Variants in SLC9A9 observed in about 807,000 individuals in gnomAD.
SLC9A9 encodes the protein sodium/hydrogen exchanger 9.
In SLC9A9, 62 loss-of-function variants were observed where a neutral mutation model predicts 77.8. That is an observed-to-expected ratio of 0.80 (90% confidence interval 0.65 to 0.98). SLC9A9 has a LOEUF of 0.98. SLC9A9 is among the 50% of genes least tolerant of loss of function. SLC9A9 has a pLI of 0.00. For synonymous variants in SLC9A9, 320 were observed against 283.5 expected, an observed-to-expected ratio of 1.13 and a Z score of -1.29; for missense variants, 775 against 774.9, an observed-to-expected ratio of 1.00 and a Z score of 0.00.
At chr3:143,606,981 CAA>C (rs145695868) in intron 6 of SLC9A9, among the ~76,000 whole-genome samples, 71,219 of 148,430 alleles carry the variant, frequency 0.48, 17,758 homozygotes, top group African/African-American at 0.65. Context: ...TAAAACTGTA[CAA>C]AATACAATAC....
At chr3:143,823,160 T>C (rs2009212612) in intron 2 of SLC9A9, among the ~76,000 whole-genome samples, 1 of 152,180 alleles carries the variant, frequency 6.6e-6, no homozygotes, top group East Asian at 1.9e-4. Context: ...CCAGGAATCA[T>C]GGAATGAATG....
At chr3:143,453,186 A>T (rs2035036756) in intron 12 of SLC9A9, among the ~76,000 whole-genome samples, 1 of 152,046 alleles carries the variant, frequency 6.6e-6, no homozygotes, top group Non-Finnish European at 1.5e-5. Context: ...ACACAAATTA[A>T]CATAGGAGAC....
chr3:143,467,867 C>T (rs921056328), intron 11 of SLC9A9, among the ~76,000 whole-genome samples: 13 of 152,164 alleles, frequency 8.5e-5, no homozygotes, highest in African/African-American at 3.1e-4. Context: ...GTAATCTATT[C>T]TCTGTTAGGA....
chr3:143,533,076 G>C (rs536968170), intron 9 of SLC9A9, among the ~76,000 whole-genome samples: 10 of 152,298 alleles, frequency 6.6e-5, no homozygotes, highest in African/African-American at 2.4e-4. Flanking sequence ...TGCCCATGTG[G>C]GCCCAGGCCT....
intron 4 of SLC9A9, among the ~76,000 whole-genome samples, chr3:143,754,232 G>C (rs2006847835): frequency 6.6e-6 from 1 of 152,224 alleles, no homozygotes; most frequent in Non-Finnish European, 1.5e-5. Context: ...ATAAAATAAG[G>C]AAAAGTGTTC....
intron 2 of SLC9A9, among the ~76,000 whole-genome samples, chr3:143,808,292 C>T (rs573886475): frequency 2.6e-5 from 4 of 152,334 alleles, no homozygotes; most frequent in East Asian, 1.9e-4. Context: ...TATACTTGCT[C>T]ATTCAGAAAC....
intron 2 of SLC9A9, among the ~76,000 whole-genome samples, chr3:143,805,292 C>G (rs558783987): frequency 9.9e-5 from 15 of 152,222 alleles, no homozygotes; most frequent in Non-Finnish European, 1.9e-4. Context: ...CCCCTTACCA[C>G]AAAATCCTCC....
chr3:143,809,647 C>T (rs993780363), intron 2 of SLC9A9, among the ~76,000 whole-genome samples: 7 of 152,132 alleles, frequency 4.6e-5, no homozygotes, highest in African/African-American at 7.2e-5. Context: ...AAAATCCAAG[C>T]GAGGGATGGG....
intron 4 of SLC9A9, among the ~76,000 whole-genome samples, chr3:143,737,637 A>G (rs1488728191): frequency 1.3e-5 from 2 of 152,218 alleles, no homozygotes; most frequent in Non-Finnish European, 2.9e-5. Context: ...TTAGCTTATT[A>G]GTTAATATTA....
chr3:143,293,738 T>G (rs2030120789), intron 14 of SLC9A9, among the ~76,000 whole-genome samples: 1 of 152,184 alleles, frequency 6.6e-6, no homozygotes, highest in Non-Finnish European at 1.5e-5. Flanking sequence ...AACGTGACAC[T>G]CAAGCATTGG....
intron 14 of SLC9A9, among the ~76,000 whole-genome samples, chr3:143,278,500 A>T (rs1183665369): frequency 6.6e-6 from 1 of 152,192 alleles, no homozygotes; most frequent in Non-Finnish European, 1.5e-5. Flanking sequence ...CTGCAAATTT[A>T]TTGTCTCAGT....
chr3:143,666,887 A>G (rs566121797), intron 5 of SLC9A9, among the ~76,000 whole-genome samples: 277 of 152,336 alleles, frequency 1.8e-3, no homozygotes, highest in African/African-American at 6.0e-3. Context: ...CATCAATATC[A>G]TGAAAATGGC....
chr3:143,538,551 C>T (rs1443664856), intron 9 of SLC9A9, among the ~76,000 whole-genome samples: 1 of 152,172 alleles, frequency 6.6e-6, no homozygotes, highest in Non-Finnish European at 1.5e-5. Flanking sequence ...GACCTCGGCA[C>T]TAGTCACAGA....
At chr3:143,539,474 C>T (rs1444602178) in intron 9 of SLC9A9, among the ~76,000 whole-genome samples, 1 of 152,204 alleles carries the variant, frequency 6.6e-6, no homozygotes, top group Non-Finnish European at 1.5e-5. Context: ...AACACATGCT[C>T]AGGCACACAT....
intron 12 of SLC9A9, among the ~76,000 whole-genome samples, chr3:143,421,931 C>T (rs1203005241): frequency 6.6e-6 from 1 of 152,112 alleles, no homozygotes; most frequent in Non-Finnish European, 1.5e-5. Context: ...GGACAAAAGG[C>T]ATGAACAGAA....
chr3:143,562,422 GC>G (rs970711398), intron 8 of SLC9A9, among the ~76,000 whole-genome samples: 1 of 152,012 alleles, frequency 6.6e-6, no homozygotes, highest in Non-Finnish European at 1.5e-5. Context: ...TGATTGCGGG[GC>G]ATATCTGAGA....
chr3:143,780,054 G>A (rs546850327), intron 4 of SLC9A9, among the ~76,000 whole-genome samples: 2 of 152,262 alleles, frequency 1.3e-5, no homozygotes, highest in African/African-American at 2.4e-5. Flanking sequence ...AAATAATCAG[G>A]TTATTGATTT....
intron 4 of SLC9A9, among the ~76,000 whole-genome samples, chr3:143,726,176 G>C (rs1364450094): frequency 6.8e-6 from 1 of 146,954 alleles, no homozygotes; most frequent in African/African-American, 2.5e-5. Context: ...CATGACACAC[G>C]TTTACCTATG....
chr3:143,761,500 AAAAC>A (rs2007121949), intron 4 of SLC9A9, among the ~76,000 whole-genome samples: 2 of 152,234 alleles, frequency 1.3e-5, no homozygotes, highest in Non-Finnish European at 2.9e-5. Flanking sequence ...TTACCAGAAA[AAAAC>A]AAACAACCCC....
Sources: allele counts gnomAD v4.1 joint callset (sites outside exome capture counted in the v4.1 genomes callset), GRCh38; gene constraint gnomAD v4.1.1; transcripts MANE v1.5; gene names NCBI Gene and HGNC (gene_info 2026-07-23, HGNC 2026-07-21).